LMBR1: variants seen among roughly 807,000 people sequenced by gnomAD.
LMBR1 encodes limb development membrane protein 1.
Under a neutral mutation model 73.9 loss-of-function variants are expected in LMBR1, and 52 were observed. That is an observed-to-expected ratio of 0.70 (90% CI 0.56 to 0.89). The LOEUF is 0.89. Among genes scored for constraint, LMBR1 ranks in the 40% least tolerant of loss-of-function variants. The pLI, the probability that LMBR1 is intolerant of heterozygous loss-of-function variation, is 0.00. For synonymous variants in LMBR1, 215 were observed against 209.4 expected (o/e 1.03, Z -0.23); for missense variants, 539 against 579.8 (o/e 0.93, Z 0.72).
intron 15 of LMBR1, among the ~76,000 whole-genome samples, chr7:156,721,123 A>G (rs764604849): frequency 6.6e-6 from 1 of 152,150 alleles, no homozygotes; most frequent in Non-Finnish European, 1.5e-5. Context: ...TTTTTGTTTT[A>G]CTACCATAAG....
At chr7:156,853,397 T>A (rs1396531675) in intron 1 of LMBR1, among the ~76,000 whole-genome samples, 2 of 151,924 alleles carry the variant, frequency 1.3e-5, no homozygotes, top group African/African-American at 4.8e-5. Context: ...TCCAAACTAC[T>A]TAATGTTAAA....
At chr7:156,697,315 A>G (rs974119618) in intron 15 of LMBR1, among the ~76,000 whole-genome samples, 1 of 152,212 alleles carries the variant, frequency 6.6e-6, no homozygotes, top group African/African-American at 2.4e-5. Flanking sequence ...AGAACCACTG[A>G]TAAGGGTCTG....
chr7:156,685,395 G>A lies in LMBR1; in HGVS notation c.1388-1232C>T, dbSNP rs779830252. On this transcript the variant is annotated intron_variant, in intron 16 of 16. Transcript: ENST00000353442. This position sits in a 1 kb window ranked among gnomAD's most constrained non-coding sequence, Gnocchi z 4.1. ...AATGCATTCTGAGAAATGCGCTGTC[G>A]AGCGATTCTGTCGCTGTGATGCCAT... 3.3e-5 allele frequency among the ~76,000 whole-genome samples: 5 copies of A among 152,288 alleles called. No individual in the cohort carries two copies. The highest frequency in any genetic ancestry group is 4.8e-5 in the African/African-American group (2 of 41,550).
chr7:156,819,808 T>C (rs927193684), intron 4 of LMBR1, among the ~76,000 whole-genome samples: 8 of 151,912 alleles, frequency 5.3e-5, no homozygotes, highest in African/African-American at 1.9e-4. Context: ...TCAGAGCGGG[T>C]CCCTGAACCC....
At chr7:156,746,968 G>A (rs1248555402) in intron 9 of LMBR1, among the ~76,000 whole-genome samples, 1 of 152,056 alleles carries the variant, frequency 6.6e-6, no homozygotes, top group African/African-American at 2.4e-5. Context: ...AACCTGTTTA[G>A]ACAAGTCACA....
chr7:156,783,748 A>G (rs1330977750), intron 5 of LMBR1, among the ~76,000 whole-genome samples: 2 of 152,180 alleles, frequency 1.3e-5, no homozygotes, highest in African/African-American at 4.8e-5. Context: ...ATTAGGACTC[A>G]TGTACAGGTA....
chr7:156,725,722 A>G (rs774287851), intron 13 of LMBR1, 42 bp downstream of exon 13: 1 of 1,571,872 alleles, frequency 6.4e-7, no homozygotes, highest in Non-Finnish European at 8.7e-7. Flanking sequence ...ACTTGGTATA[A>G]AATTTGTGGA....
chr7:156,725,432 T>C lies in LMBR1; in HGVS notation c.1158+3A>G. 3 of 1,585,650 alleles carry C rather than the reference T, an allele frequency of 1.9e-6. No homozygotes were observed. The highest frequency in any genetic ancestry group is 2.7e-5 in the African/African-American group (2 of 73,622). ...GCCACAGTCACCTAAGATTCTACCTTACCTTTGTCATAGTTGTGTCATCTT... is the reference window on the plus strand; with the variant it reads ...GCCACAGTCACCTAAGATTCTACCTCACCTTTGTCATAGTTGTGTCATCTT... On this transcript the variant is annotated splice_donor_region_variant and intron_variant, in intron 14 of 16. Coordinates refer to ENST00000353442, the MANE Select transcript of LMBR1 (RefSeq NM_022458.4).
rs1805397760 is a variant in LMBR1 at position 156,683,475 on chromosome 7, G to T, written c.*603C>A. 1 of 152,528 alleles carries T rather than the reference G, an allele frequency of 6.6e-6. No homozygotes were observed. Among genetic ancestry groups the T allele is most frequent in the Non-Finnish European group, 1.5e-5 (1 of 68,042 alleles). 9.4% of individuals were successfully genotyped at this position (152,528 alleles called of 1,614,324 possible). On this transcript the variant is annotated 3_prime_UTR_variant, in exon 17 of 17. Coordinates refer to ENST00000353442, the MANE Select transcript of LMBR1 (RefSeq NM_022458.4). ...TAAAAGAATTTAGTATTTTCCCCTT[G>T]GCTCAAAGTCTAATCAGTATCATTC...
At chr7:156,854,683 G>A (rs948111438) in intron 1 of LMBR1, among the ~76,000 whole-genome samples, 7 of 152,194 alleles carry the variant, frequency 4.6e-5, no homozygotes, top group Non-Finnish European at 8.8e-5. Context: ...GTCAAAAGCC[G>A]AGTAGCACCT....
chr7:156,678,136 T>C lies in LMBR1; in HGVS notation c.*5942A>G, dbSNP rs1431713333. Reference sequence around the variant, plus strand: ...CTCATCACATCTGTGAGCCATGCCATCCACCCCGTAAACCTTCCGTGCCTA... The same window carrying C: ...CTCATCACATCTGTGAGCCATGCCACCCACCCCGTAAACCTTCCGTGCCTA... On this transcript the variant is annotated 3_prime_UTR_variant, in exon 17 of 17. Transcript: ENST00000353442. 6.6e-6 allele frequency: 1 copy of C among 152,282 alleles called. No homozygotes were observed. Among genetic ancestry groups the C allele is most frequent in the Non-Finnish European group, 1.5e-5 (1 of 68,078 alleles). The allele number at this position is 152,282 out of a possible 1,614,324, so 9.4% of individuals were successfully genotyped here. A position where few individuals can be genotyped will look rare whatever the true frequency, so the allele number is the denominator to read the frequency against.
chr7:156,769,025 CT>C (rs1221166757), intron 5 of LMBR1, among the ~76,000 whole-genome samples: 1 of 152,200 alleles, frequency 6.6e-6, no homozygotes, highest in African/African-American at 2.4e-5. Flanking sequence ...GGGCCCTATA[CT>C]GTTTATATTG....
chr7:156,890,551 C>T (rs1289421479), intron 1 of LMBR1, among the ~76,000 whole-genome samples: 7 of 152,170 alleles, frequency 4.6e-5, no homozygotes, highest in Non-Finnish European at 8.8e-5. Context: ...TTTGACCCTT[C>T]ACAAGATTTC....
intron 9 of LMBR1, among the ~76,000 whole-genome samples, chr7:156,743,520 A>AT (rs1416497579): frequency 6.6e-6 from 1 of 152,150 alleles, no homozygotes; most frequent in African/African-American, 2.4e-5. Flanking sequence ...TTCAAAGAGG[A>AT]TTTTCCAGCA....
chr7:156,889,681 C>T (rs1802557219), intron 1 of LMBR1, among the ~76,000 whole-genome samples: 2 of 152,088 alleles, frequency 1.3e-5, no homozygotes, highest in African/African-American at 2.4e-5. Context: ...GGGGAGTAGA[C>T]GAAGCTCTGG....
At chr7:156,865,458 C>T (rs921955325) in intron 1 of LMBR1, among the ~76,000 whole-genome samples, 1 of 152,304 alleles carries the variant, frequency 6.6e-6, no homozygotes, top group Admixed American at 6.5e-5. Context: ...AAAGACATCA[C>T]ATGTTCATGG....
intron 1 of LMBR1, among the ~76,000 whole-genome samples, chr7:156,874,460 G>A (rs111341490): frequency 0.068 from 10,282 of 152,274 alleles, 379 homozygotes; most frequent in East Asian, 0.14. Flanking sequence ...ACAGTGCAGC[G>A]GGGGGCCGAA....
intron 5 of LMBR1, chr7:156,779,751 C>CCACTTCATA: frequency 1.7e-6 from 2 of 1,210,120 alleles, no homozygotes; most frequent in Non-Finnish European, 2.2e-6. Context: ...GATGTAAAAA[C>CCACTTCATA]CACTTCATAC....
intron 9 of LMBR1, among the ~76,000 whole-genome samples, chr7:156,745,976 A>T (rs10239199): frequency 0.06 from 9,164 of 152,242 alleles, 374 homozygotes; most frequent in East Asian, 0.15. Flanking sequence ...CAAGCTACTA[A>T]ACTTTGATTA....
Sources: gnomAD v4.1 joint callset for allele counts (sites outside exome capture counted in the v4.1 genomes callset) on GRCh38, gnomAD v4.1.1 for gene constraint, Gnocchi (gnomAD v3.1) non-coding constraint, MANE v1.5 for transcripts, NCBI Gene and HGNC (gene_info 2026-07-23, HGNC 2026-07-21) for gene names.